The following PER3 variants were observed in gnomAD, a reference collection of about 807,000 sequenced individuals.
The protein encoded by PER3 is period circadian protein homolog 3.
PER3 carries 107 observed loss-of-function variants against 127.2 expected under a neutral mutation model. The observed-to-expected ratio is 0.84, with a 90% CI of 0.72 to 0.99. The LOEUF is 0.99. Ranked by LOEUF, PER3 falls within the 50% of genes least tolerant of loss-of-function variation. The pLI is 0.00. For missense variants in PER3, 1,560 were observed against 1,525.8 expected, an observed-to-expected ratio of 1.02 and a Z score of -0.37; for synonymous variants, 618 against 585.8, an observed-to-expected ratio of 1.05 and a Z score of -0.79.
intron 6 of PER3, 45 bp from the exon 7 acceptor site, chr1:7,798,480 A>G: frequency 1.3e-6 from 2 of 1,542,010 alleles, no homozygotes; most frequent in Non-Finnish European, 1.8e-6. Context: ...GCCATGGGCC[A>G]GTAGGGTGCG....
Position 7,827,648 on chromosome 1 carries a change from A to G in PER3, c.2719A>G (p.Ser907Gly), listed in dbSNP as rs1359701306. Residue 907 changes from serine (S) to glycine (G), a missense_variant, in exon 18 of 22, where the codon AGC becomes GGC. Transcript: ENST00000377532. ...PTLDPPPSVT[S>G]QRREEEKWEA... The stretch of plus-strand genomic sequence containing the variant: ...TCTGGACCCACCCCCTTCAGTCACC[A>G]GCCAAAGGAGAGAGGAGGAAAAGTG... The G allele has an allele frequency of 6.2e-7, 1 of 1,614,206 alleles. No individual in the cohort carries two copies. Among genetic ancestry groups the G allele is most frequent in the South Asian group, 1.1e-5 (1 of 91,078 alleles).
In PER3 at chr1:7,827,305, C is replaced by T. The variant is rs2097306310; in HGVS notation, c.2376C>T (p.Thr792=). The T allele has an allele frequency of 1.2e-6, 2 of 1,613,798 alleles. No homozygotes were observed. The highest frequency in any genetic ancestry group is 1.7e-6 in the Non-Finnish European group (2 of 1,179,856). The change falls in exon 18 of 22, where the codon ACC becomes ACT. Residue 792 remains threonine (T), a synonymous_variant. Transcript: ENST00000377532. ...CCTCTCCGCACACCTCGAGCCCGAC[C>T]TTCCCACCTGCCGCCATGGTGCCCA... The part of the protein sequence containing the change: ...AASSPHTSSP[T]FPPAAMVPSQ...
rs1431205616 is a variant in PER3 at position 7,806,806 on chromosome 1, A to ATATATAT, written c.1137-2087_1137-2086insTATATAT. ...AAGACCCTGTCTCTTAAAAAAAAAA[A>ATATATAT]AAAAAAATATATATATATATATATA... On this transcript the variant is annotated intron_variant, in intron 10 of 21. Transcript: ENST00000377532. Among the ~76,000 whole-genome samples, 74 of 58,576 alleles carry ATATATAT rather than the reference A, an allele frequency of 1.3e-3. No homozygotes were observed. In the East Asian group the frequency reaches 0.014, roughly 11 times the overall value. The allele number at this position is 58,576 out of a possible 152,430, so 38.4% of individuals were successfully genotyped here.
intron 19 of PER3, among the ~76,000 whole-genome samples, chr1:7,831,852 G>A (rs2097332941): frequency 6.6e-6 from 1 of 152,010 alleles, no homozygotes; most frequent in Non-Finnish European, 1.5e-5. Flanking sequence ...TTCTTTACTT[G>A]TAATGTCTTT....
In PER3 at chr1:7,810,015, G is replaced by A. The variant is rs189611023; in HGVS notation, c.1365G>A (p.Ala455=). The change falls in exon 12 of 22, where the codon GCG becomes GCA. Residue 455 remains alanine (A), a synonymous_variant. Coordinates refer to ENST00000377532, the MANE Select transcript of PER3 (RefSeq NM_001377275.1). ...GGCACCGTGTGGAGGAGACGAAGGCGGAGCAGGTGCATGGGCTTATGTCAC... is the reference window on the plus strand; with the variant it reads ...GGCACCGTGTGGAGGAGACGAAGGCAGAGCAGGTGCATGGGCTTATGTCAC... ...ASGHRVEETK[A]EQMTLQQVYA... The A allele has an allele frequency of 1.3e-4, 204 of 1,613,188 alleles. 1 individual carries two copies. In the East Asian group the frequency reaches 3.5e-3, roughly 28 times the overall value.
Position 7,809,968 on chromosome 1 carries a change from G to A in PER3, c.1318G>A (p.Ala440Thr), listed in dbSNP as rs768056701. Residue 440 changes from alanine (A) to threonine (T), a missense_variant, in exon 12 of 22, where the codon GCC becomes ACC. By Grantham distance (58) the Ala-to-Thr change is moderately conservative. Transcript: ENST00000377532. ...GTCGCAGGAGCAGCTTGTCAGCATC[G>A]CCTCCTCCAGTGAGGCCAGTGGGCA... is the stretch of plus-strand genomic sequence containing the variant. ...SGSQEQLVSI[A>T]SSSEASGHRV... 2.7e-5 allele frequency: 43 copies of A among 1,613,978 alleles called. No individual in the cohort carries two copies. In the East Asian group the frequency reaches 2.7e-4, roughly 10 times the overall value.
chr1:7,798,257 G>A (rs1423953064), intron 6 of PER3, among the ~76,000 whole-genome samples: 1 of 152,228 alleles, frequency 6.6e-6, no homozygotes, highest in African/African-American at 2.4e-5. Context: ...GCATCACATG[G>A]AGGCCAGGAG....
chr1:7,788,440 C>T, intron 5 of PER3, 194 bp downstream of exon 5: 1 of 574,058 alleles, frequency 1.7e-6, no homozygotes, highest in South Asian at 2.2e-5. Flanking sequence ...CGTTTGTTTC[C>T]ATTTTGTCAC....
Position 7,827,439 on chromosome 1 carries a change from T to C in PER3, c.2510T>C (p.Leu837Ser). The part of the protein sequence containing the change: ...TAPEGLHGLP[L>S]SEGLQPYPAF... The stretch of plus-strand genomic sequence containing the variant: ...CCGGAAGGCCTGCATGGGCTGCCCT[T>C]GTCCGAGGGCTTGCAGCCTTACCCA... Residue 837 changes from leucine (L) to serine (S), a missense_variant, in exon 18 of 22, where the codon TTG (leucine) becomes TCG (serine). Physicochemically the swap from Leu to Ser is moderately radical, Grantham distance 145 (BLOSUM62 -2). This residue lies in a region of PER3 where 1,332 missense variants were observed against 1,223.6 expected (regional missense o/e 1.09). Transcript: ENST00000377532. The C allele has an allele frequency of 1.9e-6, 3 of 1,614,188 alleles. No individual in the cohort carries two copies. The highest frequency in any genetic ancestry group is 2.5e-6 in the Non-Finnish European group (3 of 1,180,006).
rs2097265240 is a variant in PER3, at chr1:7,819,285, G to A, written c.1523G>A (p.Gly508Asp). 2 of 1,612,570 alleles carry A rather than the reference G, an allele frequency of 1.2e-6. No homozygotes were observed. The highest frequency in any genetic ancestry group is 8.5e-7 in the Non-Finnish European group (1 of 1,179,074). ...NGGGESANGGGECKTFTSFHQ... is the reference protein window; with the variant it reads ...NGGGESANGGDECKTFTSFHQ... ...TGCACATCCCTTTATTCTGTTTCAG[G>A]TGAATGTAAGACCTTTACTTCCTTC... Residue 508 changes from glycine (G) to aspartate (D), a missense_variant and splice_region_variant, in exon 14 of 22, where the codon GGT becomes GAT. Coordinates refer to ENST00000377532, the MANE Select transcript of PER3 (RefSeq NM_001377275.1).
At chr1:7,833,710 A>G (rs2097344040) in intron 19 of PER3, among the ~76,000 whole-genome samples, 1 of 152,154 alleles carries the variant, frequency 6.6e-6, no homozygotes, top group African/African-American at 2.4e-5. Flanking sequence ...TTTAACTGCA[A>G]TGCTTGCTTA....
rs753882952 is a variant in PER3, at chr1:7,835,796, T to C, written c.3249T>C (p.Ser1083=). ...SSDSSIYLTS[S]VYSSKISQNG... is the part of the protein sequence containing the mutation. ...ACAGCAGTATATACCTTACTAGTAG[T>C]GTTTATTCTTCTAAAATCTCCCAAA... Residue 1083 remains serine, a synonymous_variant, in exon 20 of 22, where the codon AGT becomes AGC. Transcript: ENST00000377532. The C allele has an allele frequency of 7.4e-6, 12 of 1,612,416 alleles. No homozygotes were observed. The Admixed American group carries it at 1.7e-4, about 22-fold the overall frequency.
chr1:7,824,128 C>CT (rs2097290616), intron 16 of PER3, among the ~76,000 whole-genome samples: 2 of 151,996 alleles, frequency 1.3e-5, no homozygotes, highest in African/African-American at 4.8e-5. Flanking sequence ...CAGCTAAAAA[C>CT]GGGGCTTGTA....
intron 4 of PER3, 179 bp from the exon 5 acceptor site, chr1:7,787,866 G>A (rs2097099599): frequency 9.9e-6 from 6 of 606,594 alleles, no homozygotes; most frequent in Non-Finnish European, 2.9e-6. Flanking sequence ...GCAGGTCTTA[G>A]GAGAAGATTT....
intron 10 of PER3, among the ~76,000 whole-genome samples, chr1:7,806,804 A>ATATATATATATAT: frequency 1.6e-5 from 1 of 60,672 alleles, no homozygotes; most frequent in African/African-American, 6.1e-5. Flanking sequence ...TTAAAAAAAA[A>ATATATATATATAT]AAAAAAAAAT....
chr1:7,810,255 T>G, intron 12 of PER3, 183 bp from the exon 13 acceptor site: 1 of 620,480 alleles, frequency 1.6e-6, no homozygotes, highest in Non-Finnish European at 2.8e-6. Context: ...TGTGAACAGA[T>G]TTATTTAGAA....
chr1:7,831,515 T>G (rs2097331522), intron 19 of PER3, among the ~76,000 whole-genome samples: 1 of 152,234 alleles, frequency 6.6e-6, no homozygotes, highest in South Asian at 2.1e-4. Context: ...GACACTTGCC[T>G]GGTTCACAGT....
In PER3 at chr1:7,824,949, G is replaced by A. The variant is rs146871955; in HGVS notation, c.1958-1531G>A. On this transcript the variant is annotated intron_variant, in intron 16 of 21. Transcript: ENST00000377532. ...TCCTTGGAAGCCCTCCAGGCTGCAC[G>A]CTGGGGCAGTCCTCGGGCTCACCTC... Among the ~76,000 whole-genome samples, 60 of 152,270 alleles carry A rather than the reference G, an allele frequency of 3.9e-4. No homozygotes were observed. In the East Asian group the frequency reaches 9.1e-3, roughly 23 times the overall value.
intron 14 of PER3, 25 bp downstream of exon 14, chr1:7,819,445 CAT>C (rs2097265884): frequency 6.2e-7 from 1 of 1,608,490 alleles, no homozygotes; most frequent in African/African-American, 1.3e-5. Context: ...GTTTGGATAC[CAT>C]GTAAGTCTGT....
Sources: allele counts gnomAD v4.1 joint callset (sites outside exome capture counted in the v4.1 genomes callset), GRCh38; gene constraint gnomAD v4.1.1; regional missense constraint gnomAD v4.1.1; transcripts MANE v1.5; gene names NCBI Gene and HGNC (gene_info 2026-07-23, HGNC 2026-07-21).